The following NRXN1 variants were observed in gnomAD, a reference collection of about 807,000 sequenced individuals.
The protein encoded by NRXN1 is neurexin-1.
NRXN1 carries 39 observed loss-of-function variants against 150.9 expected under a neutral mutation model. That is an observed-to-expected ratio of 0.26 (90% CI 0.20 to 0.34). The LOEUF is 0.34. NRXN1 is among the 10% of genes least tolerant of loss of function. The pLI, the probability that NRXN1 is intolerant of heterozygous loss-of-function variation, is 1.00. For missense variants in NRXN1, 1,815 were observed against 1,949.9 expected (o/e 0.93, Z 1.30); for synonymous variants, 924 against 757.0 (o/e 1.22, Z -3.62).
At chr2:50,335,666 C>T (rs1433441509) in intron 17 of NRXN1, among the ~76,000 whole-genome samples, 3 of 152,164 alleles carry the variant, frequency 2.0e-5, no homozygotes, top group Non-Finnish European at 4.4e-5. Flanking sequence ...GGTTTAACTC[C>T]CACATGGACA....
chr2:50,367,112 A>T (rs1485895910), intron 17 of NRXN1, among the ~76,000 whole-genome samples: 2 of 151,972 alleles, frequency 1.3e-5, no homozygotes, highest in East Asian at 1.9e-4. Flanking sequence ...GATGCATTTT[A>T]GGAAAGTTAA....
intron 5 of NRXN1, among the ~76,000 whole-genome samples, chr2:50,751,723 T>A (rs984466661): frequency 6.6e-6 from 1 of 151,988 alleles, no homozygotes; most frequent in African/African-American, 2.4e-5. Flanking sequence ...TCAAACAGCC[T>A]ACTTACCCAT....
intron 13 of NRXN1, among the ~76,000 whole-genome samples, chr2:50,503,334 A>G (rs2092050950): frequency 6.6e-6 from 1 of 151,814 alleles, no homozygotes. Flanking sequence ...AAAGAAAGAA[A>G]GAAAAAAATA....
intron 13 of NRXN1, among the ~76,000 whole-genome samples, chr2:50,499,944 T>A (rs560559427): frequency 2.7e-5 from 3 of 112,710 alleles, no homozygotes; most frequent in Admixed American, 8.6e-5. Flanking sequence ...CAAGACTCCA[T>A]CTCAAAAAAA....
chr2:50,819,297 A>G (rs1008857109), intron 5 of NRXN1, among the ~76,000 whole-genome samples: 53 of 152,324 alleles, frequency 3.5e-4, no homozygotes, highest in African/African-American at 1.1e-3. Context: ...ATTGACAGAT[A>G]AATGGAAAAA....
chr2:50,040,206 A>G (rs1690718764), intron 21 of NRXN1, among the ~76,000 whole-genome samples: 1 of 152,084 alleles, frequency 6.6e-6, no homozygotes, highest in South Asian at 2.1e-4. Context: ...AATGGGGAGG[A>G]GCATAAAAAA....
chr2:50,700,981 T>A (rs939359797), intron 5 of NRXN1, among the ~76,000 whole-genome samples: 1 of 152,094 alleles, frequency 6.6e-6, no homozygotes, highest in Non-Finnish European at 1.5e-5. Flanking sequence ...TCAAGATTTT[T>A]AAAATCTCTT....
At chr2:50,552,196 T>A (rs969193230) in intron 9 of NRXN1, among the ~76,000 whole-genome samples, 1 of 152,144 alleles carries the variant, frequency 6.6e-6, no homozygotes, top group African/African-American at 2.4e-5. Flanking sequence ...TCATTCTAAT[T>A]TTTTTTTCAT....
chr2:50,831,620 G>T (rs927099469), intron 5 of NRXN1, among the ~76,000 whole-genome samples: 1 of 152,134 alleles, frequency 6.6e-6, no homozygotes, highest in Non-Finnish European at 1.5e-5. Flanking sequence ...ACACATTTCT[G>T]TCTTTAGAAT....
chr2:50,869,453 A>T (rs1239845853), intron 5 of NRXN1, among the ~76,000 whole-genome samples: 1 of 150,554 alleles, frequency 6.6e-6, no homozygotes, highest in East Asian at 2.0e-4. Flanking sequence ...GTAAGTCAAA[A>T]AAATAAAAAA....
chr2:50,689,764 G>C (rs1691780019), intron 5 of NRXN1, among the ~76,000 whole-genome samples: 1 of 151,970 alleles, frequency 6.6e-6, no homozygotes, highest in South Asian at 2.1e-4. Flanking sequence ...TAAAAAAGGA[G>C]TTATTTTGAA....
chr2:50,888,672 A>T (rs573564256), intron 5 of NRXN1, among the ~76,000 whole-genome samples: 1 of 151,798 alleles, frequency 6.6e-6, no homozygotes, highest in East Asian at 1.9e-4. Flanking sequence ...CTTGAATTTT[A>T]TGCCAAAATA....
chr2:50,944,392 C>T (rs1689985025), intron 2 of NRXN1, among the ~76,000 whole-genome samples: 1 of 151,976 alleles, frequency 6.6e-6, no homozygotes, highest in Admixed American at 6.6e-5. Context: ...CTCAGTCACC[C>T]TATCTTTAAA....
intron 5 of NRXN1, among the ~76,000 whole-genome samples, chr2:50,743,546 A>G (rs1047215561): frequency 6.6e-6 from 1 of 152,210 alleles, no homozygotes; most frequent in Non-Finnish European, 1.5e-5. Context: ...AGCACTTCCC[A>G]CATCAATTTT....
intron 16 of NRXN1, among the ~76,000 whole-genome samples, chr2:50,469,926 A>C (rs537943685): frequency 6.6e-6 from 1 of 151,486 alleles, no homozygotes; most frequent in Non-Finnish European, 1.5e-5. Flanking sequence ...TGGGTAAACA[A>C]CACCAAACAT....
intron 2 of NRXN1, among the ~76,000 whole-genome samples, chr2:50,974,219 T>A (rs1273819613): frequency 6.6e-6 from 1 of 152,148 alleles, no homozygotes; most frequent in Non-Finnish European, 1.5e-5. Flanking sequence ...TGATTATTGA[T>A]AAAGACTTTT....
At chr2:50,801,619 A>G (rs1707607455) in intron 5 of NRXN1, among the ~76,000 whole-genome samples, 1 of 152,190 alleles carries the variant, frequency 6.6e-6, no homozygotes, top group Admixed American at 6.6e-5. Context: ...AATATGCACA[A>G]AAAACTTCAG....
intron 21 of NRXN1, among the ~76,000 whole-genome samples, chr2:49,962,210 C>A (rs1366425882): frequency 3.9e-5 from 6 of 152,204 alleles, no homozygotes; most frequent in African/African-American, 1.2e-4. Context: ...TCAACTGCCT[C>A]CTCACCCTTC....
intron 17 of NRXN1, among the ~76,000 whole-genome samples, chr2:50,257,474 G>C (rs937008408): frequency 6.6e-6 from 1 of 152,024 alleles, no homozygotes; most frequent in Non-Finnish European, 1.5e-5. Flanking sequence ...TCCACCTTTT[G>C]AGATTTAAAT....
Sources: allele counts gnomAD v4.1 joint callset (sites outside exome capture counted in the v4.1 genomes callset), GRCh38; gene constraint gnomAD v4.1.1; transcripts MANE v1.5; gene names NCBI Gene and HGNC (gene_info 2026-07-23, HGNC 2026-07-21).